LSAMP: variants seen among roughly 807,000 people sequenced by gnomAD.
The protein encoded by LSAMP is limbic system-associated membrane protein.
Under a neutral mutation model 38.6 loss-of-function variants are expected in LSAMP, and 7 were observed. The observed-to-expected ratio is 0.18, with a 90% CI of 0.10 to 0.34. The LOEUF (loss-of-function observed/expected upper bound fraction) is 0.34. LSAMP is among the 10% of genes least tolerant of loss of function. LSAMP has a pLI of 1.00. For synonymous variants in LSAMP, 154 were observed against 166.8 expected (o/e 0.92, Z 0.59); for missense variants, 313 against 420.0 (o/e 0.75, Z 2.23).
At chr3:116,408,815 G>A (rs2048933107) in intron 1 of LSAMP, among the ~76,000 whole-genome samples, 1 of 151,998 alleles carries the variant, frequency 6.6e-6, no homozygotes, top group Non-Finnish European at 1.5e-5. Context: ...CTTACTGATT[G>A]TCAGATACAC....
chr3:115,946,733 T>C (rs1938109691), intron 3 of LSAMP, among the ~76,000 whole-genome samples: 1 of 151,944 alleles, frequency 6.6e-6, no homozygotes, highest in East Asian at 1.9e-4. Flanking sequence ...GCAAAATCTC[T>C]TCCAGAGAAT....
chr3:116,044,914 A>G (rs1173013760), intron 2 of LSAMP, among the ~76,000 whole-genome samples: 1 of 152,178 alleles, frequency 6.6e-6, no homozygotes, highest in East Asian at 1.9e-4. Flanking sequence ...GATGCCTTTC[A>G]GTCGTGATTA....
chr3:116,325,825 G>A (rs914229138), intron 1 of LSAMP, among the ~76,000 whole-genome samples: 4 of 152,128 alleles, frequency 2.6e-5, no homozygotes, highest in African/African-American at 9.7e-5. Context: ...CACTACAGCA[G>A]AACAGCATCT....
chr3:116,352,081 A>G (rs945627272), intron 1 of LSAMP, among the ~76,000 whole-genome samples: 3 of 152,072 alleles, frequency 2.0e-5, no homozygotes, highest in Admixed American at 1.3e-4. Flanking sequence ...CACCGTATGT[A>G]CAGGCAGTGG....
intron 3 of LSAMP, among the ~76,000 whole-genome samples, chr3:115,958,510 T>C (rs1938525658): frequency 6.6e-6 from 1 of 152,152 alleles, no homozygotes; most frequent in African/African-American, 2.4e-5. Flanking sequence ...ATAAATCCTG[T>C]GTGAGAAATG....
At chr3:116,119,224 G>A (rs1708819752) in intron 1 of LSAMP, among the ~76,000 whole-genome samples, 1 of 151,968 alleles carries the variant, frequency 6.6e-6, no homozygotes, top group African/African-American at 2.4e-5. Flanking sequence ...TACAGATGTA[G>A]GGAGAAAAGT....
At chr3:116,413,486 T>C (rs1463219878) in intron 1 of LSAMP, among the ~76,000 whole-genome samples, 1 of 152,010 alleles carries the variant, frequency 6.6e-6, no homozygotes, top group Admixed American at 6.6e-5. Flanking sequence ...TCCCCGTATG[T>C]TTGTGTGCCT....
At chr3:116,139,769 T>C (rs577823727) in intron 1 of LSAMP, among the ~76,000 whole-genome samples, 53 of 151,998 alleles carry the variant, frequency 3.5e-4, no homozygotes, top group Non-Finnish European at 6.5e-4. Flanking sequence ...ATGGGAAAGA[T>C]GCAGCTAGAG....
At chr3:116,379,433 T>C (rs922337240) in intron 1 of LSAMP, among the ~76,000 whole-genome samples, 2 of 151,972 alleles carry the variant, frequency 1.3e-5, no homozygotes, top group Admixed American at 1.3e-4. Context: ...TATATATTAT[T>C]GGACATAAGG....
At chr3:116,284,541 C>G (rs1019467016) in intron 1 of LSAMP, among the ~76,000 whole-genome samples, 1 of 152,192 alleles carries the variant, frequency 6.6e-6, no homozygotes, top group East Asian at 1.9e-4. Context: ...AAGCTGTGGA[C>G]CATTTCTCAG....
intron 3 of LSAMP, among the ~76,000 whole-genome samples, chr3:115,974,641 G>C (rs910839312): frequency 6.6e-6 from 1 of 152,214 alleles, no homozygotes; most frequent in Non-Finnish European, 1.5e-5. Context: ...ATTTCACATA[G>C]AGTAAGGTGA....
intron 1 of LSAMP, among the ~76,000 whole-genome samples, chr3:116,094,089 T>G (rs141103854): frequency 6.6e-6 from 1 of 152,154 alleles, no homozygotes; most frequent in African/African-American, 2.4e-5. Flanking sequence ...CCAACAACTA[T>G]GCAAACACAT....
intron 1 of LSAMP, among the ~76,000 whole-genome samples, chr3:116,213,104 G>A (rs2046180731): frequency 6.6e-6 from 1 of 152,108 alleles, no homozygotes; most frequent in African/African-American, 2.4e-5. Flanking sequence ...ATATCCAGAG[G>A]TGGGATAAAT....
At chr3:116,437,282 G>C (rs1383827028) in intron 1 of LSAMP, among the ~76,000 whole-genome samples, 9 of 151,956 alleles carry the variant, frequency 5.9e-5, no homozygotes, top group African/African-American at 2.2e-4. Flanking sequence ...AGGAATAAAA[G>C]ACAACAAATA....
chr3:115,812,195 C>T (rs963959344), intron 6 of LSAMP, among the ~76,000 whole-genome samples: 2 of 152,106 alleles, frequency 1.3e-5, no homozygotes, highest in African/African-American at 4.8e-5. Context: ...CATATACAAA[C>T]TTTGATCAGC....
At chr3:116,425,501 A>G (rs535672228) in intron 1 of LSAMP, among the ~76,000 whole-genome samples, 3 of 152,338 alleles carry the variant, frequency 2.0e-5, no homozygotes, top group African/African-American at 7.2e-5. Context: ...TTGACCATAG[A>G]AAAGTCATTT....
At chr3:116,163,878 A>C (rs180914388) in intron 1 of LSAMP, among the ~76,000 whole-genome samples, 14 of 151,962 alleles carry the variant, frequency 9.2e-5, no homozygotes, top group East Asian at 5.8e-4. Flanking sequence ...AAAAAACACA[A>C]AAAAAACGAA....
chr3:115,944,435 C>T (rs1938029690), intron 3 of LSAMP, among the ~76,000 whole-genome samples: 1 of 152,096 alleles, frequency 6.6e-6, no homozygotes, highest in South Asian at 2.1e-4. Flanking sequence ...TAAGTATTAG[C>T]TCCCTGAAAC....
chr3:116,331,996 A>G (rs1388212824), intron 1 of LSAMP, among the ~76,000 whole-genome samples: 3 of 151,788 alleles, frequency 2.0e-5, no homozygotes, highest in South Asian at 4.2e-4. Context: ...TGCCATCACA[A>G]TGAGCTATTT....
Sources: allele counts gnomAD v4.1 joint callset (sites outside exome capture counted in the v4.1 genomes callset), GRCh38; gene constraint gnomAD v4.1.1; transcripts MANE v1.5; gene names NCBI Gene and HGNC (gene_info 2026-07-23, HGNC 2026-07-21).